Variants in CACNA2D2 observed in about 807,000 individuals in gnomAD.
The protein encoded by CACNA2D2 is calcium voltage-gated channel auxiliary subunit alpha2delta 2, also known as voltage-dependent calcium channel subunit alpha-2/delta-2.
CACNA2D2 carries 48 observed loss-of-function variants against 166.4 expected under a neutral mutation model. The observed-to-expected ratio is 0.29, with a 90% confidence interval of 0.23 to 0.37. CACNA2D2 has a LOEUF of 0.37. CACNA2D2 is among the 10% of genes least tolerant of loss of function. The pLI is 1.00. For synonymous variants in CACNA2D2, 561 were observed against 573.7 expected, an observed-to-expected ratio of 0.98 and a Z score of 0.32; for missense variants, 1,122 against 1,433.0, an observed-to-expected ratio of 0.78 and a Z score of 3.50.
At chr3:50,503,771 C>CCGTGCCCGCGCGCCTCT (rs961633169), upstream of CACNA2D2, 2 of 152,090 alleles carry the variant, frequency 1.3e-5, no homozygotes, top group African/African-American at 4.8e-5. Flanking sequence ...ACGCGCCCAC[C>CCGTGCCCGCGCGCCTCT]CGTGCCCGCG....
intron 24 of CACNA2D2, 37 bp downstream of exon 24, chr3:50,368,101 G>T: frequency 6.7e-7 from 1 of 1,481,512 alleles, no homozygotes; most frequent in Non-Finnish European, 9.4e-7. Context: ...TGCTGCCTGG[G>T]CACTGCCCAG....
At chr3:50,438,249 G>T (rs1708437938) in intron 2 of CACNA2D2, among the ~76,000 whole-genome samples, 1 of 152,144 alleles carries the variant, frequency 6.6e-6, no homozygotes, top group South Asian at 2.1e-4. Flanking sequence ...TGGTGACCAT[G>T]GCTCAGCTGG....
chr3:50,412,368 A>G (rs1024118444), intron 3 of CACNA2D2, among the ~76,000 whole-genome samples: 4 of 152,232 alleles, frequency 2.6e-5, no homozygotes, highest in African/African-American at 7.2e-5. Flanking sequence ...CTCCCTGGAA[A>G]ACGAGACATT....
intron 2 of CACNA2D2, among the ~76,000 whole-genome samples, chr3:50,461,649 T>C (rs1404500448): frequency 6.7e-6 from 1 of 149,890 alleles, no homozygotes. Flanking sequence ...TAATTCCAGC[T>C]ACTCAGGAGG....
intron 2 of CACNA2D2, among the ~76,000 whole-genome samples, chr3:50,445,771 C>G (rs543738768): frequency 6.6e-6 from 1 of 152,178 alleles, no homozygotes; most frequent in Non-Finnish European, 1.5e-5. Flanking sequence ...CAAGAAAGCT[C>G]CCATTTTGGA....
At chr3:50,386,639 G>T (rs759550298) in intron 5 of CACNA2D2, among the ~76,000 whole-genome samples, 5 of 152,136 alleles carry the variant, frequency 3.3e-5, no homozygotes, top group Admixed American at 6.5e-5. Context: ...TCCTGCACAG[G>T]GATCCTTTCC....
rs562910446 is a variant in CACNA2D2, at chr3:50,392,735, C to A, written c.465+1374G>T. ...CCCATAGCTGAGCTCACAGGCAGCA[C>A]TGGCACCAGTCAGTCCTTTGCCAAA... is the stretch of plus-strand genomic sequence containing the variant. On this transcript the variant is annotated intron_variant, in intron 4 of 37. Transcript: ENST00000424201. Among the ~76,000 whole-genome samples the A allele has an allele frequency of 2.0e-5, 3 of 152,330 alleles. No homozygotes were observed. In the East Asian group the frequency reaches 5.8e-4, roughly 29 times the overall value.
At chr3:50,482,424 A>G (rs1698092358) in intron 1 of CACNA2D2, among the ~76,000 whole-genome samples, 1 of 152,224 alleles carries the variant, frequency 6.6e-6, no homozygotes, top group Non-Finnish European at 1.5e-5. Flanking sequence ...GGCTTTTGCA[A>G]GACCTTGAAC....
chr3:50,500,129 T>G (rs913754683), intron 1 of CACNA2D2, among the ~76,000 whole-genome samples: 13 of 152,188 alleles, frequency 8.5e-5, no homozygotes, highest in Non-Finnish European at 1.6e-4. Flanking sequence ...TAACCGTAGC[T>G]ACACTGACGC....
intron 2 of CACNA2D2, among the ~76,000 whole-genome samples, chr3:50,472,969 G>A (rs183622413): frequency 6.6e-4 from 101 of 152,326 alleles, no homozygotes; most frequent in African/African-American, 2.3e-3. Context: ...CATCACAGTA[G>A]GGTCTATACT....
Position 50,366,199 on chromosome 3 carries a change from T to C in CACNA2D2, c.2710-36A>G, listed in dbSNP as rs1340414437. The C allele has an allele frequency of 2.5e-6, 4 of 1,614,004 alleles. No individual in the cohort carries two copies. The highest frequency in any genetic ancestry group is 3.4e-6 in the Non-Finnish European group (4 of 1,179,924). On this transcript the variant is annotated intron_variant, in intron 31 of 37. Transcript: ENST00000424201. The surrounding 1 kb of genome is among the most constrained non-coding windows in gnomAD (Gnocchi z 5.9). ...CAGGAGAAAGCCATGGTCACAGGGC[T>C]GGCAGTGCTACACCCCTAGAAGGCT...
Position 50,365,626 on chromosome 3 carries a change from T to A in CACNA2D2, c.2971+7A>T. On this transcript the variant is annotated splice_region_variant and intron_variant, in intron 34 of 37. Coordinates refer to ENST00000424201, the MANE Select transcript of CACNA2D2 (RefSeq NM_006030.4). This position sits in a 1 kb window ranked among gnomAD's most constrained non-coding sequence, Gnocchi z 4.5. The stretch of plus-strand genomic sequence containing the variant: ...ACTTGAGGAGGCGCCTCCAAAGCCC[T>A]ACCTACCTGCTTGGAACCAGCTGTG... 2 of 1,575,446 alleles carry A rather than the reference T, an allele frequency of 1.3e-6. No individual in the cohort carries two copies. The highest frequency in any genetic ancestry group is 1.2e-5 in the South Asian group (1 of 86,532).
At chr3:50,423,650 C>T (rs573391483) in intron 3 of CACNA2D2, among the ~76,000 whole-genome samples, 1 of 152,260 alleles carries the variant, frequency 6.6e-6, no homozygotes, top group Non-Finnish European at 1.5e-5. Context: ...ATCTCCGTAA[C>T]TGGGCTCCAG....
At chr3:50,424,647 G>A (rs752664986) in intron 3 of CACNA2D2, among the ~76,000 whole-genome samples, 1 of 152,198 alleles carries the variant, frequency 6.6e-6, no homozygotes, top group South Asian at 2.1e-4. Flanking sequence ...GGCCTAGCAG[G>A]TCTATTCGTG....
At chr3:50,443,998 G>C (rs772405103) in intron 2 of CACNA2D2, among the ~76,000 whole-genome samples, 1 of 152,178 alleles carries the variant, frequency 6.6e-6, no homozygotes, top group African/African-American at 2.4e-5. Context: ...CCCAGAGCTG[G>C]CAGAAATTCA....
At chr3:50,468,431 G>GTGTGTGTGTA (rs1553751788) in intron 2 of CACNA2D2, among the ~76,000 whole-genome samples, 78 of 147,606 alleles carry the variant, frequency 5.3e-4, no homozygotes, top group Non-Finnish European at 9.2e-4. Context: ...GTGTGTGTGT[G>GTGTGTGTGTA]TGTGTGTGTG....
chr3:50,430,048 AG>A (rs1336142524), intron 3 of CACNA2D2, among the ~76,000 whole-genome samples: 1 of 152,172 alleles, frequency 6.6e-6, no homozygotes, highest in African/African-American at 2.4e-5. Context: ...GCTGGGCTTA[AG>A]CCTGGGGCTG....
intron 1 of CACNA2D2, among the ~76,000 whole-genome samples, chr3:50,502,537 G>A (rs1352246185): frequency 1.3e-5 from 2 of 152,206 alleles, no homozygotes; most frequent in Non-Finnish European, 2.9e-5. Context: ...TACTCTGTTG[G>A]CAGCAGCAGC....
chr3:50,394,330 T>G (rs949698724), intron 3 of CACNA2D2, among the ~76,000 whole-genome samples, 162 bp from the exon 4 acceptor site: 12 of 151,934 alleles, frequency 7.9e-5, no homozygotes, highest in Non-Finnish European at 1.6e-4. Flanking sequence ...CCCCAGACAC[T>G]CCCCAGCTTG....
Sources: allele counts gnomAD v4.1 joint callset (sites outside exome capture counted in the v4.1 genomes callset), GRCh38; gene constraint gnomAD v4.1.1; non-coding constraint Gnocchi (gnomAD v3.1); transcripts MANE v1.5; gene names NCBI Gene and HGNC (gene_info 2026-07-23, HGNC 2026-07-21).